Variants in TXNDC16 observed in about 807,000 individuals in gnomAD.
TXNDC16 encodes the protein thioredoxin domain containing 16.
In TXNDC16, 74 loss-of-function variants were observed where a neutral mutation model predicts 85.6. The ratio of observed to expected loss-of-function variants is 0.86; its 90% confidence interval spans 0.72 to 1.05. The LOEUF is 1.05. TXNDC16 is among the 50% of genes least tolerant of loss of function. The pLI is 0.00. For missense variants in TXNDC16, 959 were observed against 947.0 expected (o/e 1.01, Z -0.17); for synonymous variants, 335 against 326.5 (o/e 1.03, Z -0.28).
intron 8 of TXNDC16, among the ~76,000 whole-genome samples, chr14:52,513,666 A>C (rs958850228): frequency 1.3e-5 from 2 of 149,034 alleles, no homozygotes; most frequent in Non-Finnish European, 3.0e-5. Context: ...GTGTGTGTGT[A>C]TATACATATA....
rs184280713 is a variant in TXNDC16, at chr14:52,535,197, A to G, written c.392+1522T>C. ...CTGCTAACTAGTAAGCTTCCTGAGA[A>G]CAAATGTCATATCTATTACTTGGAC... On this transcript the variant is annotated intron_variant, in intron 6 of 20. Transcript: ENST00000281741. Among the ~76,000 whole-genome samples, 38 of 152,310 alleles carry G rather than the reference A, an allele frequency of 2.5e-4. No individual in the cohort carries two copies. The East Asian group carries it at 4.1e-3, about 16-fold the overall frequency.
intron 18 of TXNDC16, among the ~76,000 whole-genome samples, chr14:52,453,773 G>A (rs1339985251): frequency 1.3e-5 from 2 of 152,110 alleles, no homozygotes; most frequent in African/African-American, 2.4e-5. Flanking sequence ...ACCCAGTACA[G>A]CCTCTGGTTG....
intron 6 of TXNDC16, among the ~76,000 whole-genome samples, chr14:52,535,450 G>T (rs577833962): frequency 2.6e-5 from 4 of 152,128 alleles, no homozygotes; most frequent in Non-Finnish European, 5.9e-5. Context: ...CTTTTCACCT[G>T]TAAGTTTTGA....
chr14:52,518,674 A>G (rs1336685521), intron 7 of TXNDC16, among the ~76,000 whole-genome samples: 1 of 152,062 alleles, frequency 6.6e-6, no homozygotes, highest in African/African-American at 2.4e-5. Flanking sequence ...GCTCCTTCCA[A>G]TCTAAGTTAG....
At chr14:52,518,064 C>G (rs938518093) in intron 7 of TXNDC16, among the ~76,000 whole-genome samples, 1 of 152,190 alleles carries the variant, frequency 6.6e-6, no homozygotes, top group African/African-American at 2.4e-5. Context: ...TGTTCCTGCT[C>G]TCTTCCTTAA....
intron 20 of TXNDC16, among the ~76,000 whole-genome samples, chr14:52,437,002 T>C (rs2035044431): frequency 6.6e-6 from 1 of 152,142 alleles, no homozygotes; most frequent in Admixed American, 6.6e-5. Context: ...TTCAATATAC[T>C]ATAATAATCT....
intron 19 of TXNDC16, among the ~76,000 whole-genome samples, chr14:52,440,208 C>T (rs1157666466): frequency 2.6e-5 from 4 of 152,110 alleles, no homozygotes; most frequent in Non-Finnish European, 5.9e-5. Flanking sequence ...GATGAATGCA[C>T]TGAAATCTGT....
At chr14:52,502,463 G>C (rs562891063) in intron 9 of TXNDC16, among the ~76,000 whole-genome samples, 13 of 152,338 alleles carry the variant, frequency 8.5e-5, no homozygotes, top group African/African-American at 2.6e-4. Context: ...TGTTCCTACA[G>C]AATACAATAT....
intron 9 of TXNDC16, among the ~76,000 whole-genome samples, chr14:52,505,369 T>C (rs2036770744): frequency 6.6e-6 from 1 of 152,220 alleles, no homozygotes; most frequent in African/African-American, 2.4e-5. Context: ...TAACTGTCTC[T>C]CAGACCACAG....
intron 16 of TXNDC16, among the ~76,000 whole-genome samples, chr14:52,464,815 C>G (rs2035734797): frequency 6.6e-6 from 1 of 151,986 alleles, no homozygotes. Context: ...TGGCACATGT[C>G]TGTGGTCTCA....
chr14:52,463,091 G>C (rs1374793412), intron 16 of TXNDC16: 1 of 415,140 alleles, frequency 2.4e-6, no homozygotes. Context: ...GTCTGATTCA[G>C]ACATCTGAGG....
chr14:52,460,927 T>A (rs1382187771), intron 16 of TXNDC16, among the ~76,000 whole-genome samples: 1 of 151,900 alleles, frequency 6.6e-6, no homozygotes, highest in African/African-American at 2.4e-5. Context: ...CTGATTTTAA[T>A]AAAAACTTAT....
At chr14:52,489,042 C>T (rs1378841581) in intron 11 of TXNDC16, among the ~76,000 whole-genome samples, 1 of 152,194 alleles carries the variant, frequency 6.6e-6, no homozygotes, top group East Asian at 1.9e-4. Flanking sequence ...TTGTCACAAC[C>T]ACATTATACT....
At chr14:52,487,640 C>T (rs1004732123) in intron 12 of TXNDC16, among the ~76,000 whole-genome samples, 5 of 152,140 alleles carry the variant, frequency 3.3e-5, no homozygotes, top group African/African-American at 4.8e-5. Context: ...ATTATTCTAG[C>T]GAAGTATTCT....
At position 52,511,899 on chromosome 14, in the gene TXNDC16, T is replaced by C. The variant is rs150320924; in HGVS notation, c.606-509A>G. On this transcript the variant is annotated intron_variant, in intron 8 of 20. Transcript: ENST00000281741. ...AGTTTGTGAGTTTGTATCTGAAATA[T>C]TACAAAACTCAGCAAATATGGCTTA... Among the ~76,000 whole-genome samples the C allele has an allele frequency of 5.9e-5, 9 of 152,224 alleles. 1 individual carries two copies. In the East Asian group the frequency reaches 1.7e-3, roughly 29 times the overall value.
chr14:52,516,771 A>AT (rs2037091997), intron 7 of TXNDC16, among the ~76,000 whole-genome samples: 2 of 152,022 alleles, frequency 1.3e-5, no homozygotes, highest in African/African-American at 2.4e-5. Context: ...CTTGAACTGC[A>AT]TATCATCAGA....
chr14:52,501,035 T>C (rs1413232009), intron 9 of TXNDC16, among the ~76,000 whole-genome samples: 1 of 152,176 alleles, frequency 6.6e-6, no homozygotes, highest in Non-Finnish European at 1.5e-5. Flanking sequence ...ATTGAACCAT[T>C]TTCCCATCTG....
intron 18 of TXNDC16, among the ~76,000 whole-genome samples, chr14:52,449,734 C>G (rs561392351): frequency 6.6e-6 from 1 of 152,084 alleles, no homozygotes; most frequent in South Asian, 2.1e-4. Context: ...AACAAAAAAT[C>G]TGAAATAATA....
intron 17 of TXNDC16, among the ~76,000 whole-genome samples, chr14:52,456,192 G>C (rs975310616): frequency 6.6e-6 from 1 of 152,176 alleles, no homozygotes; most frequent in Non-Finnish European, 1.5e-5. Context: ...ATAAGCATTA[G>C]TTGAGAGGCC....
Sources: allele counts gnomAD v4.1 joint callset (sites outside exome capture counted in the v4.1 genomes callset), GRCh38; gene constraint gnomAD v4.1.1; transcripts MANE v1.5; gene names NCBI Gene and HGNC (gene_info 2026-07-23, HGNC 2026-07-21).